Variants in PPP3CB observed in about 807,000 individuals in gnomAD.
PPP3CB encodes the protein serine/threonine-protein phosphatase 2B catalytic subunit beta isoform.
Under a neutral mutation model 66.4 loss-of-function variants are expected in PPP3CB, and 8 were observed. The observed-to-expected ratio is 0.12, with a 90% CI of 0.07 to 0.22. The LOEUF is 0.22. Among genes scored for constraint, PPP3CB ranks in the 10% least tolerant of loss-of-function variants. The probability of loss-of-function intolerance (pLI) is 1.00; values close to 1 mark genes in which losing one functional copy is unlikely to be tolerated. For missense variants in PPP3CB, 319 were observed against 642.5 expected (o/e 0.50, Z 5.44); for synonymous variants, 208 against 221.2 (o/e 0.94, Z 0.53).
intron 11 of PPP3CB, among the ~76,000 whole-genome samples, 181 bp downstream of exon 11, chr10:73,446,311 G>A (rs1191363140): frequency 1.3e-5 from 2 of 151,788 alleles, no homozygotes; most frequent in African/African-American, 2.4e-5. Context: ...TGTTGGCCAG[G>A]CTGGTTTCAA....
At position 73,495,508 on chromosome 10, in the gene PPP3CB, T is replaced by C. The variant is rs377636738; in HGVS notation, c.85+297A>G. On this transcript the variant is annotated intron_variant, in intron 1 of 13. Coordinates refer to ENST00000360663, the MANE Select transcript of PPP3CB (RefSeq NM_021132.4). ...GCTAATCGCGGCCCCTGCGCCGCTT[T>C]GACAGGCCGAGTGAAGAGAAAACGG... 139 of 207,114 alleles carry C rather than the reference T, an allele frequency of 6.7e-4. 1 individual carries two copies. The East Asian group carries it at 0.016, about 24-fold the overall frequency. The allele number at this position is 207,114 out of a possible 1,614,324, so 12.8% of individuals were successfully genotyped here. A position where few individuals can be genotyped will look rare whatever the true frequency, so the allele number is the denominator to read the frequency against.
intron 8 of PPP3CB, among the ~76,000 whole-genome samples, chr10:73,470,258 G>T (rs905331041): frequency 5.3e-5 from 8 of 152,038 alleles, no homozygotes; most frequent in African/African-American, 1.9e-4. Flanking sequence ...AAGGAAATAA[G>T]AAAGGGAAAG....
chr10:73,457,737 CAAAAA>C (rs200840556), intron 9 of PPP3CB, among the ~76,000 whole-genome samples: 1 of 87,828 alleles, frequency 1.1e-5, no homozygotes. Context: ...GACCCTGTCT[CAAAAA>C]AAAAAAAAAA....
At chr10:73,482,267 G>A (rs1435710131) in intron 1 of PPP3CB, among the ~76,000 whole-genome samples, 2 of 151,460 alleles carry the variant, frequency 1.3e-5, no homozygotes, top group Non-Finnish European at 2.9e-5. Flanking sequence ...CGTACTGGCT[G>A]GATGCAGTGG....
intron 9 of PPP3CB, among the ~76,000 whole-genome samples, chr10:73,457,342 G>A (rs145353454): frequency 1.3e-5 from 2 of 148,998 alleles, no homozygotes; most frequent in East Asian, 3.9e-4. Context: ...AAGGCCATGC[G>A]GTAAGACTGC....
chr10:73,446,573 C>A lies in PPP3CB; in HGVS notation c.1187G>T (p.Gly396Val). Residue 396 changes from glycine (G) to valine (V), a missense_variant and splice_region_variant, in exon 11 of 14, where the codon GGT becomes GTT. Transcript: ENST00000360663. Reference sequence around the variant, plus strand: ...GATTTCTTTCCGGGCTGCAGCTGAACCTACTTTCAATGGAATAAATAGAGA... The same window carrying A: ...GATTTCTTTCCGGGCTGCAGCTGAAACTACTTTCAATGGAATAAATAGAGA... ...LMTEGEDQFDGSAAARKEIIR... is the reference protein window; with the variant it reads ...LMTEGEDQFDVSAAARKEIIR... The A allele has an allele frequency of 6.2e-7, 1 of 1,613,216 alleles. No homozygotes were observed. Among genetic ancestry groups the A allele is most frequent in the South Asian group, 1.1e-5 (1 of 91,054 alleles).
intron 3 of PPP3CB, chr10:73,477,150 G>A (rs1324290214): frequency 1.9e-6 from 1 of 518,598 alleles, no homozygotes; most frequent in Admixed American, 1.9e-5. Flanking sequence ...TAAAACAACA[G>A]TACTTACCTC....
chr10:73,465,285 G>C (rs1409753636), intron 9 of PPP3CB, among the ~76,000 whole-genome samples: 1 of 152,098 alleles, frequency 6.6e-6, no homozygotes, highest in Non-Finnish European at 1.5e-5. Context: ...TGGCTATTCA[G>C]ATGTTTGATT....
At chr10:73,479,248 T>A in intron 2 of PPP3CB, 69 bp downstream of exon 2, 1 of 1,358,436 alleles carries the variant, frequency 7.4e-7, no homozygotes, top group Non-Finnish European at 1.0e-6. Flanking sequence ...TTGAAAACAG[T>A]AAGTTGTAAA....
At chr10:73,443,452 CCTCTAAAAAAGTCA>C (rs1324318040) in intron 12 of PPP3CB, among the ~76,000 whole-genome samples, 1 of 151,508 alleles carries the variant, frequency 6.6e-6, no homozygotes, top group African/African-American at 2.4e-5. Flanking sequence ...TATTTTTTTC[CCTCTAAAAAAGTCA>C]CTAATTACAA....
chr10:73,444,130 T>C (rs750927618), intron 12 of PPP3CB: 2 of 154,608 alleles, frequency 1.3e-5, no homozygotes, highest in African/African-American at 2.4e-5. Flanking sequence ...TTACAGACAG[T>C]TAATTATACA....
chr10:73,458,830 G>C (rs2056473408), intron 9 of PPP3CB, among the ~76,000 whole-genome samples: 1 of 152,002 alleles, frequency 6.6e-6, no homozygotes, highest in Admixed American at 6.6e-5. Context: ...AGCACTTTGG[G>C]AGGATGAAGT....
intron 9 of PPP3CB, among the ~76,000 whole-genome samples, chr10:73,462,731 C>T (rs2056543862): frequency 6.6e-6 from 1 of 151,948 alleles, no homozygotes; most frequent in Non-Finnish European, 1.5e-5. Context: ...GGGCGGATCA[C>T]TTGAGGTCAG....
At chr10:73,479,776 CTT>C (rs1251871786) in intron 1 of PPP3CB, among the ~76,000 whole-genome samples, 2 of 152,166 alleles carry the variant, frequency 1.3e-5, no homozygotes, top group African/African-American at 4.8e-5. Flanking sequence ...ATAACCAAAA[CTT>C]TTTTGTTTAA....
Position 73,495,995 on chromosome 10 carries a change from C to G in PPP3CB, c.-106G>C, listed in dbSNP as rs1225794171. The G allele has an allele frequency of 4.9e-6, 3 of 618,036 alleles. No individual in the cohort carries two copies. In the East Asian group the frequency reaches 1.1e-4, roughly 22 times the overall value. The allele number at this position is 618,036 out of a possible 1,614,324, so 38.3% of individuals were successfully genotyped here. ...GCCGCCGGGGAACATGGCGGACCCT[C>G]TTTCCCTACAGAGGGGCTAAGACCG... On this transcript the variant is annotated 5_prime_UTR_variant, in exon 1 of 14. Transcript: ENST00000360663.
At chr10:73,484,602 G>C (rs1359131476) in intron 1 of PPP3CB, among the ~76,000 whole-genome samples, 1 of 146,534 alleles carries the variant, frequency 6.8e-6, no homozygotes, top group African/African-American at 2.5e-5. Context: ...TTTTTTTTTT[G>C]CCTCCATATA....
In PPP3CB at chr10:73,479,467, A is replaced by G; in HGVS notation, c.136T>C (p.Leu46=). 6.2e-7 allele frequency: 1 copy of G among 1,614,130 alleles called. No individual in the cohort carries two copies. Among genetic ancestry groups the G allele is most frequent in the Non-Finnish European group, 8.5e-7 (1 of 1,180,002 alleles). ...HRLTSEEVFD[L]DGIPRVDVLK... ...ACATCAACCCTGGGTATCCCATCCAAATCAAATACTTCTTCAGATGTCAAG... is the reference window on the plus strand; with the variant it reads ...ACATCAACCCTGGGTATCCCATCCAGATCAAATACTTCTTCAGATGTCAAG... Residue 46 remains leucine (L), a synonymous_variant, in exon 2 of 14, where the codon TTG becomes CTG. Coordinates refer to ENST00000360663, the MANE Select transcript of PPP3CB (RefSeq NM_021132.4).
intron 1 of PPP3CB, among the ~76,000 whole-genome samples, chr10:73,480,440 A>ATTTTTT (rs57553384): frequency 3.2e-5 from 4 of 123,914 alleles, no homozygotes; most frequent in Non-Finnish European, 3.4e-5. Context: ...TATCCCTGTA[A>ATTTTTT]TTTTTTTTTT....
intron 9 of PPP3CB, among the ~76,000 whole-genome samples, chr10:73,465,243 G>A (rs934452062): frequency 3.9e-5 from 6 of 152,084 alleles, no homozygotes; most frequent in Non-Finnish European, 7.4e-5. Context: ...TTAGAGACAG[G>A]GTTTTGCTAT....
Sources: allele counts gnomAD v4.1 joint callset (sites outside exome capture counted in the v4.1 genomes callset), GRCh38; gene constraint gnomAD v4.1.1; transcripts MANE v1.5; gene names NCBI Gene and HGNC (gene_info 2026-07-23, HGNC 2026-07-21).